Variants in MAPK12 observed in about 807,000 individuals in gnomAD.
MAPK12 encodes the protein mitogen-activated protein kinase 12.
Under a neutral mutation model 49.1 loss-of-function variants are expected in MAPK12, and 49 were observed. The ratio of observed to expected loss-of-function variants is 1.00; its 90% CI spans 0.79 to 1.27. The LOEUF is 1.27. MAPK12 is among the 50% of genes most tolerant of loss of function. MAPK12 has a pLI of 0.00. For synonymous variants in MAPK12, 251 were observed against 209.7 expected, an observed-to-expected ratio of 1.20 and a Z score of -1.70; for missense variants, 554 against 502.4, an observed-to-expected ratio of 1.10 and a Z score of -0.98.
Position 50,255,452 on chromosome 22 carries a change from C to A in MAPK12, c.850+1G>T, listed in dbSNP as rs1026533965. ...GTGGCCCCCACACTAGCCAGCCGTA[C>A]CCAGAGGGCTTGCATTGGTCAGGAT... On this transcript the variant is annotated splice_donor_variant, in intron 10 of 11. Transcript: ENST00000215659. LOFTEE classifies it high-confidence loss of function. The A allele has an allele frequency of 6.2e-7, 1 of 1,613,022 alleles. No homozygotes were observed. Among genetic ancestry groups the A allele is most frequent in the Admixed American group, 1.7e-5 (1 of 60,008 alleles).
At chr22:50,253,502 G>GGCC in intron 11 of MAPK12, 22 bp from the exon 12 acceptor site, 5 of 171,632 alleles carry the variant, frequency 2.9e-5, no homozygotes, top group South Asian at 4.5e-5. Flanking sequence ...GGGGGGGCGG[G>GGCC]CACAACAGAG....
intron 3 of MAPK12, chr22:50,257,515 C>T: frequency 1.9e-6 from 1 of 527,390 alleles, no homozygotes; most frequent in East Asian, 3.3e-5. Context: ...GGGGCTGAGG[C>T]TCCATGGTAG....
At chr22:50,254,704 C>T in intron 11 of MAPK12, 6 of 1,056,572 alleles carry the variant, frequency 5.7e-6, no homozygotes, top group Non-Finnish European at 6.9e-6. Flanking sequence ...GAGGTGTGAG[C>T]AGAGAGGCCT....
chr22:50,255,843 T>G lies in MAPK12; in HGVS notation c.658A>C (p.Ile220Leu), dbSNP rs777972164. The change falls in exon 8 of 12, where the codon ATC becomes CTC. Residue 220 changes from isoleucine (I) to leucine (L), a missense_variant. By Grantham distance (5) the Ile-to-Leu change is conservative (BLOSUM62 2). Coordinates refer to ENST00000215659, the MANE Select transcript of MAPK12 (RefSeq NM_002969.6). ...WSVGCIMAEM[I>L]TGKTLFKGSD... ...CCCTTGAACAGCGTCTTGCCTGTGA[T>G]CATCTCCGCCATGATGCAGCCCACA... 15 of 1,612,606 alleles carry G rather than the reference T, an allele frequency of 9.3e-6. No individual in the cohort carries two copies. The Admixed American group carries it at 2.5e-4, about 27-fold the overall frequency.
intron 7 of MAPK12, 63 bp downstream of exon 7, chr22:50,256,022 G>A (rs983445196): frequency 4.4e-5 from 68 of 1,536,238 alleles, no homozygotes; most frequent in Middle Eastern, 1.7e-4. Flanking sequence ...AGGGCTGTCC[G>A]TGAAGAAGTG....
rs1291861758 is a variant in MAPK12 at position 50,255,871 on chromosome 22, C to G, written c.630G>C (p.Trp210Cys). The change falls in exon 8 of 12, where the codon TGG becomes TGC. Residue 210 changes from tryptophan (W) to cysteine (C), a missense_variant. Physicochemically the swap from Trp to Cys is radical, Grantham distance 215 (BLOSUM62 -2). Transcript: ENST00000215659. Reference protein sequence around the residue: ...WMRYTQTVDIWSVGCIMAEMI... With the variant: ...WMRYTQTVDICSVGCIMAEMI... ...TCTCCGCCATGATGCAGCCCACAGA[C>G]CAGATGTCCACTGAGATAGAAGCCC... 6.2e-7 allele frequency: 1 copy of G among 1,612,646 alleles called. No individual in the cohort carries two copies. Among genetic ancestry groups the G allele is most frequent in the South Asian group, 1.1e-5 (1 of 91,060 alleles).
intron 2 of MAPK12, among the ~76,000 whole-genome samples, chr22:50,260,154 G>A (rs935089726): frequency 1.3e-5 from 2 of 151,984 alleles, no homozygotes; most frequent in Non-Finnish European, 2.9e-5. Context: ...GGGTCAGGGT[G>A]GGCATGGGAA....
intron 2 of MAPK12, chr22:50,260,902 C>G (rs3817818): frequency 0.5 from 171,405 of 340,934 alleles, 44,018 homozygotes; most frequent in Non-Finnish European, 0.53. Context: ...AAGTCGTGTT[C>G]CCTGACCAGG....
chr22:50,257,423 C>G (rs934566645), intron 3 of MAPK12: 1 of 579,728 alleles, frequency 1.7e-6, no homozygotes, highest in Non-Finnish European at 3.1e-6. Context: ...CACCCCCCTC[C>G]CACCCTGAGG....
At chr22:50,260,225 G>A (rs1483069303) in intron 2 of MAPK12, among the ~76,000 whole-genome samples, 1 of 17,106 alleles carries the variant, frequency 5.8e-5, no homozygotes, top group African/African-American at 2.2e-4. Flanking sequence ...GGAACCGGGG[G>A]ACGGGGCACT....
At chr22:50,261,077 T>G in intron 2 of MAPK12, 90 bp downstream of exon 2, 13 of 1,338,406 alleles carry the variant, frequency 9.7e-6, no homozygotes, top group Non-Finnish European at 1.2e-5. Context: ...GCAGGCTGCC[T>G]GGAGGAGGGG....
chr22:50,253,529 G>A, intron 11 of MAPK12, 49 bp from the exon 12 acceptor site: 1 of 931,080 alleles, frequency 1.1e-6, no homozygotes, highest in Non-Finnish European at 1.7e-6. Context: ...GTCAGCCTTT[G>A]CCTTCCATCC....
At chr22:50,253,843 C>G (rs115145844) in intron 11 of MAPK12, 1 of 288,714 alleles carries the variant, frequency 3.5e-6, no homozygotes, top group Non-Finnish European at 6.7e-6. Flanking sequence ...CATAAGCACA[C>G]GAATATGCAC....
chr22:50,257,452 G>A (rs1172344312), intron 3 of MAPK12: 1 of 559,116 alleles, frequency 1.8e-6, no homozygotes, highest in East Asian at 3.0e-5. Context: ...GCAGGGAGGA[G>A]GCTGCCTTGG....
At chr22:50,254,917 A>C in intron 11 of MAPK12, 1 of 1,323,488 alleles carries the variant, frequency 7.6e-7, no homozygotes, top group Non-Finnish European at 9.7e-7. Context: ...TTCAACTTCC[A>C]GCTCCAGCCA....
chr22:50,258,395 C>G, intron 2 of MAPK12, 94 bp from the exon 3 acceptor site: 1 of 1,048,268 alleles, frequency 9.5e-7, no homozygotes, highest in Non-Finnish European at 1.5e-6. Flanking sequence ...GAAACCCCCT[C>G]TGCAGCTGTC....
At chr22:50,256,490 C>T (rs1210015055) in intron 6 of MAPK12, 109 bp downstream of exon 6, 3 of 1,423,346 alleles carry the variant, frequency 2.1e-6, no homozygotes, top group African/African-American at 2.9e-5. Flanking sequence ...CAGCCACTGC[C>T]CAGAGCCTGG....
At position 50,255,324 on chromosome 22, in the gene MAPK12, C is replaced by T. The variant is rs1247884123; in HGVS notation, c.897G>A (p.Arg299=). The change falls in exon 11 of 12, where the codon CGG becomes CGA. Residue 299 remains arginine, a synonymous_variant. Coordinates refer to ENST00000215659, the MANE Select transcript of MAPK12 (RefSeq NM_002969.6). ...EKMLVLDAEQ[R]VTAGEALAHP... is the part of the protein sequence containing the mutation. The stretch of plus-strand genomic sequence containing the variant: ...GGGCCAGCGCCTCGCCTGCCGTCAC[C>T]CGCTGCTCCGCGTCCAGCACCAGCA... The T allele has an allele frequency of 1.1e-5, 17 of 1,613,450 alleles. No individual in the cohort carries two copies. The highest frequency in any genetic ancestry group is 1.4e-5 in the Non-Finnish European group (17 of 1,180,022).
intron 2 of MAPK12, among the ~76,000 whole-genome samples, chr22:50,258,790 G>C (rs1488256234): frequency 6.6e-6 from 1 of 152,248 alleles, no homozygotes; most frequent in African/African-American, 2.4e-5. Flanking sequence ...GACAGGTCAT[G>C]TGACAACTGC....
Sources: gnomAD v4.1 joint callset for allele counts (sites outside exome capture counted in the v4.1 genomes callset) on GRCh38, gnomAD v4.1.1 for gene constraint, MANE v1.5 for transcripts, NCBI Gene and HGNC (gene_info 2026-07-23, HGNC 2026-07-21) for gene names.